Variants in NUP214 observed in about 807,000 individuals in gnomAD.
NUP214 encodes the protein nucleoporin 214, also known as nuclear pore complex protein Nup214.
A neutral mutation model predicts 196.2 loss-of-function variants in NUP214; 79 were observed. The ratio of observed to expected loss-of-function variants is 0.40; its 90% confidence interval spans 0.34 to 0.49. The LOEUF is 0.49. Among genes scored for constraint, NUP214 ranks in the 20% least tolerant of loss-of-function variants. NUP214 has a pLI of 0.58. For missense variants in NUP214, 2,468 were observed against 2,539.0 expected (o/e 0.97, Z 0.60); for synonymous variants, 1,020 against 990.5 (o/e 1.03, Z -0.56).
rs146677149 is a variant in NUP214 at position 131,157,459 on chromosome 9, G to GTTTTTT, written c.2437-1906_2437-1901dup. Among the ~76,000 whole-genome samples, 13 of 74,694 alleles carry GTTTTTT rather than the reference G, an allele frequency of 1.7e-4. 1 individual carries two copies. The highest frequency in any genetic ancestry group is 4.5e-4 in the East Asian group (1 of 2,226). 49.0% of individuals were successfully genotyped at this position (74,694 alleles called of 152,430 possible). ...ACAGGTGTGAGCCACTGTGTCTGGC[G>GTTTTTT]TTTTTTTTTTTTTTTTTTTTTTTGA... On this transcript the variant is annotated intron_variant, in intron 17 of 35. Transcript: ENST00000359428.
At chr9:131,188,847 A>G (rs1029889382) in intron 25 of NUP214, among the ~76,000 whole-genome samples, 4 of 152,138 alleles carry the variant, frequency 2.6e-5, no homozygotes, top group Non-Finnish European at 5.9e-5. Context: ...GAGTATTTCT[A>G]TTTTCATCCT....
Position 131,198,258 on chromosome 9 carries a change from T to C in NUP214, c.4764T>C (p.Phe1588=). The change falls in exon 29 of 36, where the codon TTT becomes TTC. Residue 1588 remains phenylalanine, a synonymous_variant. Transcript: ENST00000359428. ...RTEAVPPASS[F]SVPGQTAVTA... Reference sequence around the variant, plus strand: ...AGGCAGTACCACCTGCTTCCTCCTTTTCTGTGCCTGGGCAGACTGCTGTCA... The same window carrying C: ...AGGCAGTACCACCTGCTTCCTCCTTCTCTGTGCCTGGGCAGACTGCTGTCA... The C allele has an allele frequency of 6.2e-7, 1 of 1,614,208 alleles. No homozygotes were observed. Among genetic ancestry groups the C allele is most frequent in the South Asian group, 1.1e-5 (1 of 91,080 alleles).
At chr9:131,191,365 G>A (rs1228486430) in intron 26 of NUP214, 1 of 152,190 alleles carries the variant, frequency 6.6e-6, no homozygotes, top group Non-Finnish European at 1.5e-5. Context: ...CTGCTTGGGA[G>A]GCTGAGGCAG....
intron 9 of NUP214, 23 bp from the exon 10 acceptor site, chr9:131,139,258 T>A (rs757409719): frequency 1.6e-5 from 15 of 964,214 alleles, no homozygotes; most frequent in South Asian, 1.1e-4. Context: ...TCTTCTTCTT[T>A]TTTTTTTTTT....
chr9:131,200,061 C>T (rs982587727), intron 29 of NUP214, among the ~76,000 whole-genome samples: 1 of 152,126 alleles, frequency 6.6e-6, no homozygotes, highest in African/African-American at 2.4e-5. Flanking sequence ...TAGAGGAGAA[C>T]GTGTAACACA....
rs150858876 is a variant in NUP214 at position 131,139,374 on chromosome 9, G to A, written c.1099G>A (p.Val367Ile). 5.8e-5 allele frequency: 93 copies of A among 1,605,140 alleles called. No individual in the cohort carries two copies. The highest frequency in any genetic ancestry group is 1.7e-4 in the Middle Eastern group (1 of 6,056). Residue 367 changes from valine (V) to isoleucine (I), a missense_variant, in exon 10 of 36, where the codon GTA becomes ATA. Physicochemically the swap from Val to Ile is conservative, Grantham distance 29 (BLOSUM62 3). Coordinates refer to ENST00000359428, the MANE Select transcript of NUP214 (RefSeq NM_005085.4). Reference sequence around the variant, plus strand: ...TGACTCCTTGCCCATGGGAGTTGTCGTAGACTATACAAACCAAGTGGAAAT... The same window carrying A: ...TGACTCCTTGCCCATGGGAGTTGTCATAGACTATACAAACCAAGTGGAAAT... ...SDDSLPMGVV[V>I]DYTNQVEITI... is the part of the protein sequence containing the mutation.
At chr9:131,212,385 C>G (rs990536483) in intron 30 of NUP214, among the ~76,000 whole-genome samples, 1 of 152,216 alleles carries the variant, frequency 6.6e-6, no homozygotes, top group African/African-American at 2.4e-5. Flanking sequence ...GACCCACACC[C>G]TATTCATACA....
chr9:131,174,025 T>A, intron 21 of NUP214, 30 bp from the exon 22 acceptor site: 1 of 1,608,046 alleles, frequency 6.2e-7, no homozygotes. Flanking sequence ...TTGAGTTGTC[T>A]AAATTGTGTT....
In NUP214 at chr9:131,233,594, A is replaced by G. The variant is rs758530072; in HGVS notation, c.*107A>G. The G allele has an allele frequency of 1.7e-6, 2 of 1,205,876 alleles. No homozygotes were observed. 74.7% of individuals were successfully genotyped at this position (1,205,876 alleles called of 1,614,324 possible). A position where few individuals can be genotyped will look rare whatever the true frequency, so the allele number is the denominator to read the frequency against. Reference sequence around the variant, plus strand: ...CAGACCGACGTTGCCATCAAAACACATACACCCAGAAAGAAACAACAGAAA... The same window carrying G: ...CAGACCGACGTTGCCATCAAAACACGTACACCCAGAAAGAAACAACAGAAA... On this transcript the variant is annotated 3_prime_UTR_variant, in exon 36 of 36. Transcript: ENST00000359428.
intron 31 of NUP214, among the ~76,000 whole-genome samples, chr9:131,220,009 C>T (rs1203252249): frequency 6.6e-6 from 1 of 151,986 alleles, no homozygotes; most frequent in African/African-American, 2.4e-5. Flanking sequence ...TGGGTCAGGC[C>T]CTGATGTTGG....
chr9:131,139,437 A>G (rs1831842929), intron 10 of NUP214, 30 bp downstream of exon 10: 3 of 1,597,878 alleles, frequency 1.9e-6, no homozygotes, highest in African/African-American at 2.7e-5. Flanking sequence ...TAGTGCAGAA[A>G]TAGTCTTCTT....
At chr9:131,151,123 A>T (rs1441901834) in intron 16 of NUP214, among the ~76,000 whole-genome samples, 1 of 152,202 alleles carries the variant, frequency 6.6e-6, no homozygotes, top group Non-Finnish European at 1.5e-5. Context: ...TTCGATTTTT[A>T]AAAAAGGATA....
intron 32 of NUP214, among the ~76,000 whole-genome samples, chr9:131,226,976 T>A (rs920055773): frequency 9.9e-5 from 15 of 152,244 alleles, no homozygotes; most frequent in African/African-American, 3.6e-4. Context: ...GGCTTGTCGC[T>A]AGGCCACCAT....
intron 11 of NUP214, among the ~76,000 whole-genome samples, chr9:131,140,915 A>G (rs1363944125): frequency 6.6e-6 from 1 of 152,142 alleles, no homozygotes; most frequent in East Asian, 1.9e-4. Flanking sequence ...TGCAGCCATT[A>G]CTTTACTTCG....
chr9:131,184,561 C>G (rs1833396762), intron 24 of NUP214, among the ~76,000 whole-genome samples: 1 of 152,048 alleles, frequency 6.6e-6, no homozygotes, highest in South Asian at 2.1e-4. Context: ...GTCTCGAACT[C>G]CTGACCTCAA....
At chr9:131,147,432 A>G in intron 13 of NUP214, 58 bp from the exon 14 acceptor site, 6 of 1,234,844 alleles carry the variant, frequency 4.9e-6, no homozygotes, top group Non-Finnish European at 5.8e-6. Context: ...GACATTTGTG[A>G]TAGGAGAAAT....
At chr9:131,231,054 C>T (rs968744217) in intron 34 of NUP214, among the ~76,000 whole-genome samples, 6 of 152,038 alleles carry the variant, frequency 3.9e-5, no homozygotes, top group Non-Finnish European at 7.4e-5. Flanking sequence ...CCCAGCTACT[C>T]GGGAGGCTGA....
intron 30 of NUP214, among the ~76,000 whole-genome samples, chr9:131,207,893 T>C (rs1234793366): frequency 6.6e-6 from 1 of 152,124 alleles, no homozygotes; most frequent in Non-Finnish European, 1.5e-5. Flanking sequence ...GAAAATGTAC[T>C]GGCTGGAGAA....
rs1180051026 is a variant in NUP214 at position 131,125,605 on chromosome 9, T to C, written c.-100T>C. On this transcript the variant is annotated 5_prime_UTR_variant, in exon 1 of 36. Coordinates refer to ENST00000359428, the MANE Select transcript of NUP214 (RefSeq NM_005085.4). This position sits in a 1 kb window ranked among gnomAD's most constrained non-coding sequence, Gnocchi z 4.1. ...AAATGCGAGGTCAACTGCGCGCCGC[T>C]GGCGCTGAGGGGAGGAAGTTTGCTG... The C allele has an allele frequency of 1.9e-6, 3 of 1,548,654 alleles. No individual in the cohort carries two copies. The highest frequency in any genetic ancestry group is 2.7e-5 in the African/African-American group (2 of 72,948).
Sources: allele counts gnomAD v4.1 joint callset (sites outside exome capture counted in the v4.1 genomes callset), GRCh38; gene constraint gnomAD v4.1.1; non-coding constraint Gnocchi (gnomAD v3.1); transcripts MANE v1.5; gene names NCBI Gene and HGNC (gene_info 2026-07-23, HGNC 2026-07-21).